WWOX: variants seen among roughly 807,000 people sequenced by gnomAD.
WWOX encodes WW domain containing oxidoreductase.
WWOX carries 69 observed loss-of-function variants against 46.2 expected under a neutral mutation model. That is an observed-to-expected ratio of 1.49 (90% CI 1.23 to 1.82). The LOEUF is 1.82. WWOX is among the 40% of genes most tolerant of loss of function. The pLI is 0.00. For synonymous variants in WWOX, 359 were observed against 202.6 expected (o/e 1.77, Z -6.56); for missense variants, 919 against 542.6 (o/e 1.69, Z -6.89).
At chr16:78,510,710 A>G (rs2085340932) in intron 8 of WWOX, among the ~76,000 whole-genome samples, 1 of 152,192 alleles carries the variant, frequency 6.6e-6, no homozygotes, top group African/African-American at 2.4e-5. Context: ...ATTGTGTGCT[A>G]CAGATCCTTC....
chr16:78,445,455 C>T (rs1389999517), intron 8 of WWOX, among the ~76,000 whole-genome samples: 1 of 152,178 alleles, frequency 6.6e-6, no homozygotes, highest in African/African-American at 2.4e-5. Flanking sequence ...TCCCTGTCCT[C>T]ATGGGGACCG....
At chr16:78,969,269 C>CTTTTTT (rs71384387) in intron 8 of WWOX, among the ~76,000 whole-genome samples, 1 of 142,594 alleles carries the variant, frequency 7.0e-6, no homozygotes, top group Non-Finnish European at 1.5e-5. Context: ...CTCTCTCTCT[C>CTTTTTT]TTTTTTTTTT....
At chr16:79,181,621 C>T (rs924833311) in intron 8 of WWOX, among the ~76,000 whole-genome samples, 7 of 152,140 alleles carry the variant, frequency 4.6e-5, no homozygotes, top group Admixed American at 1.3e-4. Flanking sequence ...GCTTAACATC[C>T]CCCTTATTAC....
chr16:78,945,574 G>A (rs2045932863), intron 8 of WWOX, among the ~76,000 whole-genome samples: 1 of 151,940 alleles, frequency 6.6e-6, no homozygotes, highest in African/African-American at 2.4e-5. Context: ...TTAGTCTTTT[G>A]GTTTTTTCTC....
At chr16:78,119,584 A>G (rs1280540313) in intron 4 of WWOX, among the ~76,000 whole-genome samples, 1 of 151,268 alleles carries the variant, frequency 6.6e-6, no homozygotes, top group Non-Finnish European at 1.5e-5. Context: ...TTATTATCAT[A>G]TTTACGGAGT....
At chr16:78,909,891 G>T (rs537790673) in intron 8 of WWOX, among the ~76,000 whole-genome samples, 63 of 152,258 alleles carry the variant, frequency 4.1e-4, no homozygotes, top group African/African-American at 1.5e-3. Context: ...TTAGGCATCC[G>T]TTTAGCAAAA....
chr16:79,006,043 C>G lies in WWOX; in HGVS notation c.1057-205565C>G, dbSNP rs938087290. On this transcript the variant is annotated intron_variant, in intron 8 of 8. Transcript: ENST00000566780. ...CCTCTTATGTGCTAGGCCTGGTGCT[C>G]AGCGCTGAGTGAACCCATATCAACA... is the stretch of plus-strand genomic sequence containing the variant. Among the ~76,000 whole-genome samples the G allele has an allele frequency of 2.0e-5, 3 of 152,152 alleles. No homozygotes were observed. The South Asian group carries it at 6.2e-4, about 31-fold the overall frequency.
chr16:79,024,289 T>C (rs1443915838), intron 8 of WWOX, among the ~76,000 whole-genome samples: 1 of 152,192 alleles, frequency 6.6e-6, no homozygotes, highest in Non-Finnish European at 1.5e-5. Flanking sequence ...GACAGGGCCT[T>C]ACGCTGCTGC....
At position 78,966,633 on chromosome 16, in the gene WWOX, A is replaced by T. The variant is rs563375322; in HGVS notation, c.1057-244975A>T. 3.0e-4 allele frequency among the ~76,000 whole-genome samples: 45 copies of T among 152,286 alleles called. No homozygotes were observed. In the Middle Eastern group the frequency reaches 0.01, roughly 35 times the overall value. The stretch of plus-strand genomic sequence containing the variant: ...TGAATCAATAAATATAGTATGTATT[A>T]ATAATATTGAGCTATTTCTTAAGAT... On this transcript the variant is annotated intron_variant, in intron 8 of 8. Transcript: ENST00000566780.
intron 8 of WWOX, among the ~76,000 whole-genome samples, chr16:78,803,659 A>T (rs993581859): frequency 6.6e-6 from 1 of 151,982 alleles, no homozygotes; most frequent in Non-Finnish European, 1.5e-5. Flanking sequence ...TGGTCTCCCT[A>T]TGTTGCCCAG....
chr16:78,669,831 A>G (rs1222122816), intron 8 of WWOX, among the ~76,000 whole-genome samples: 3 of 152,178 alleles, frequency 2.0e-5, no homozygotes, highest in Non-Finnish European at 4.4e-5. Context: ...ATTCAAAATA[A>G]TCTCTAATAA....
At chr16:78,795,107 T>C (rs2050703016) in intron 8 of WWOX, among the ~76,000 whole-genome samples, 1 of 152,146 alleles carries the variant, frequency 6.6e-6, no homozygotes, top group Admixed American at 6.5e-5. Flanking sequence ...GTGTTGGTGG[T>C]GGAGGAGGTG....
intron 8 of WWOX, among the ~76,000 whole-genome samples, chr16:78,557,218 A>G (rs79414472): frequency 6.8e-6 from 1 of 147,640 alleles, no homozygotes; most frequent in Non-Finnish European, 1.5e-5. Context: ...GGAAAGACCA[A>G]TTATCATGAT....
chr16:78,409,751 G>A (rs1306364744), intron 6 of WWOX, among the ~76,000 whole-genome samples: 1 of 152,146 alleles, frequency 6.6e-6, no homozygotes, highest in South Asian at 2.1e-4. Flanking sequence ...ACTCCAGGGA[G>A]AATATTTTTC....
chr16:79,001,164 G>A (rs770167571), intron 8 of WWOX, among the ~76,000 whole-genome samples: 2 of 152,180 alleles, frequency 1.3e-5, no homozygotes, highest in Non-Finnish European at 2.9e-5. Context: ...TTAATTTGCT[G>A]CTGAATGCAC....
At chr16:78,592,983 G>C (rs1279464090) in intron 8 of WWOX, among the ~76,000 whole-genome samples, 1 of 152,174 alleles carries the variant, frequency 6.6e-6, no homozygotes, top group East Asian at 1.9e-4. Context: ...TGGTGATTTA[G>C]TTGCTTGAGC....
At chr16:79,149,542 GGA>G (rs2050239239) in intron 8 of WWOX, among the ~76,000 whole-genome samples, 1 of 152,194 alleles carries the variant, frequency 6.6e-6, no homozygotes, top group Admixed American at 6.5e-5. Flanking sequence ...TTTGTGGTTA[GGA>G]GAAGAATATA....
At chr16:78,537,016 A>T (rs1348860517) in intron 8 of WWOX, among the ~76,000 whole-genome samples, 1 of 151,456 alleles carries the variant, frequency 6.6e-6, no homozygotes, top group African/African-American at 2.4e-5. Flanking sequence ...TCTCAGGTTC[A>T]AGCAATTATC....
chr16:78,908,406 G>A (rs2151251622), intron 8 of WWOX, among the ~76,000 whole-genome samples: 1 of 152,166 alleles, frequency 6.6e-6, no homozygotes, highest in Middle Eastern at 3.4e-3. Context: ...CAGGCGTAGT[G>A]GTAGGCGCCT....
Sources: allele counts gnomAD v4.1 joint callset (sites outside exome capture counted in the v4.1 genomes callset), GRCh38; gene constraint gnomAD v4.1.1; transcripts MANE v1.5; gene names NCBI Gene and HGNC (gene_info 2026-07-23, HGNC 2026-07-21).